Variants in WDR93 observed in about 807,000 individuals in gnomAD.
The protein encoded by WDR93 is WD repeat domain 93.
WDR93 carries 73 observed loss-of-function variants against 82.9 expected under a neutral mutation model. That is an observed-to-expected ratio of 0.88 (90% confidence interval 0.73 to 1.07). The LOEUF (loss-of-function observed/expected upper bound fraction) is 1.07. WDR93 is among the 50% of genes least tolerant of loss of function. The pLI is 0.00. For synonymous variants in WDR93, 283 were observed against 300.1 expected (o/e 0.94, Z 0.59); for missense variants, 738 against 826.0 (o/e 0.89, Z 1.31).
At chr15:89,699,883 C>T (rs1965371394) in intron 1 of WDR93, among the ~76,000 whole-genome samples, 1 of 152,112 alleles carries the variant, frequency 6.6e-6, no homozygotes, top group South Asian at 2.1e-4. Context: ...TCTGCTAATT[C>T]TAATATCTTT....
intron 7 of WDR93, among the ~76,000 whole-genome samples, chr15:89,720,171 A>G (rs553532139): frequency 3.4e-4 from 52 of 152,306 alleles, no homozygotes; most frequent in African/African-American, 1.2e-3. Flanking sequence ...TTAATGCTAT[A>G]CACTTGTATC....
intron 7 of WDR93, among the ~76,000 whole-genome samples, chr15:89,718,951 T>C (rs2141653571): frequency 6.6e-6 from 1 of 152,324 alleles, no homozygotes; most frequent in African/African-American, 2.4e-5. Context: ...TTAGTGTGTA[T>C]TTACATCTTA....
chr15:89,698,389 T>C (rs910434484), intron 1 of WDR93, among the ~76,000 whole-genome samples: 2 of 152,212 alleles, frequency 1.3e-5, no homozygotes, highest in Middle Eastern at 3.2e-3. Flanking sequence ...TTGAGTCTTA[T>C]CTATTCTGAC....
chr15:89,701,149 G>A (rs1965442692), intron 1 of WDR93, among the ~76,000 whole-genome samples: 2 of 152,026 alleles, frequency 1.3e-5, no homozygotes, highest in South Asian at 2.1e-4. Flanking sequence ...TTTTTTTAAT[G>A]TCTCAAACAT....
At chr15:89,709,643 T>G (rs1965872537) in intron 4 of WDR93, among the ~76,000 whole-genome samples, 2 of 151,924 alleles carry the variant, frequency 1.3e-5, no homozygotes, top group African/African-American at 4.8e-5. Flanking sequence ...AAGGAGACAG[T>G]GTTTCGCCAT....
At chr15:89,739,269 T>A (rs775506839) in intron 16 of WDR93, among the ~76,000 whole-genome samples, 1 of 152,196 alleles carries the variant, frequency 6.6e-6, no homozygotes, top group Non-Finnish European at 1.5e-5. Flanking sequence ...TTATGTATTA[T>A]CTATGGCTAC....
At chr15:89,730,503 T>C (rs1230562796) in intron 11 of WDR93, among the ~76,000 whole-genome samples, 1 of 152,202 alleles carries the variant, frequency 6.6e-6, no homozygotes, top group African/African-American at 2.4e-5. Context: ...GTCTAGTGCA[T>C]GCGTTTGTTG....
chr15:89,737,825 G>A (rs533737445), intron 15 of WDR93, 96 bp downstream of exon 15: 2 of 1,540,062 alleles, frequency 1.3e-6, no homozygotes, highest in South Asian at 2.4e-5. Flanking sequence ...TCCCCACTCT[G>A]TGTCCCCCTC....
At position 89,701,695 on chromosome 15, in the gene WDR93, T is replaced by A; in HGVS notation, c.-40-12T>A. 1 of 1,563,008 alleles carries A rather than the reference T, an allele frequency of 6.4e-7. No homozygotes were observed. The highest frequency in any genetic ancestry group is 8.7e-7 in the Non-Finnish European group (1 of 1,154,634). The stretch of plus-strand genomic sequence containing the variant: ...TTTCTTCCAGAATTCCTTTGTTTAC[T>A]TCTCTTATCAGCTTTTCAGTTTCAT... On this transcript the variant is annotated splice_polypyrimidine_tract_variant and intron_variant, in intron 1 of 16. Coordinates refer to ENST00000268130, the MANE Select transcript of WDR93 (RefSeq NM_020212.2).
At chr15:89,697,588 C>G (rs1370509493) in intron 1 of WDR93, among the ~76,000 whole-genome samples, 1 of 152,162 alleles carries the variant, frequency 6.6e-6, no homozygotes, top group Non-Finnish European at 1.5e-5. Flanking sequence ...TTCATGTGCA[C>G]TTAAAAATAA....
intron 9 of WDR93, among the ~76,000 whole-genome samples, chr15:89,728,661 C>T (rs1008268737): frequency 2.0e-5 from 3 of 152,224 alleles, no homozygotes; most frequent in South Asian, 4.1e-4. Context: ...ATCAGCACAA[C>T]ACTGGCTGTA....
At chr15:89,715,124 A>G (rs1966189060) in intron 6 of WDR93, 29 bp downstream of exon 6, 1 of 1,597,632 alleles carries the variant, frequency 6.3e-7, no homozygotes, top group Admixed American at 1.7e-5. Flanking sequence ...TTCAGCTGAT[A>G]TGTTTCTCCC....
intron 16 of WDR93, among the ~76,000 whole-genome samples, chr15:89,740,324 T>C (rs1051340412): frequency 4.6e-5 from 7 of 152,150 alleles, no homozygotes; most frequent in African/African-American, 1.7e-4. Flanking sequence ...AGTGGGTCGC[T>C]GGGAGGCTCT....
intron 4 of WDR93, among the ~76,000 whole-genome samples, chr15:89,707,000 C>A (rs2141612673): frequency 6.6e-6 from 1 of 152,224 alleles, no homozygotes; most frequent in Admixed American, 6.5e-5. Flanking sequence ...AATGAAAAGA[C>A]AACCCATAGA....
At chr15:89,726,233 G>C (rs987701856) in intron 8 of WDR93, among the ~76,000 whole-genome samples, 7 of 152,138 alleles carry the variant, frequency 4.6e-5, no homozygotes, top group African/African-American at 1.7e-4. Flanking sequence ...GCCTAGCCTG[G>C]GCAATAGAAC....
chr15:89,738,260 C>T, intron 16 of WDR93, 24 bp downstream of exon 16: 5 of 1,558,388 alleles, frequency 3.2e-6, no homozygotes, highest in South Asian at 1.2e-5. Context: ...TGTCTTCACC[C>T]CCTCCCACAT....
chr15:89,708,548 C>A (rs891374232), intron 4 of WDR93, among the ~76,000 whole-genome samples: 2 of 152,214 alleles, frequency 1.3e-5, no homozygotes, highest in Admixed American at 1.3e-4. Context: ...GTGGCTAGGA[C>A]AAGAGCGTCA....
At chr15:89,735,643 G>A (rs1596123256) in intron 14 of WDR93, 90 bp downstream of exon 14, 1 of 1,372,822 alleles carries the variant, frequency 7.3e-7, no homozygotes, top group East Asian at 2.3e-5. Flanking sequence ...AATGCTTATT[G>A]AAGGCCTGTT....
At chr15:89,718,136 T>C (rs1360423608) in intron 7 of WDR93, among the ~76,000 whole-genome samples, 1 of 152,084 alleles carries the variant, frequency 6.6e-6, no homozygotes, top group Non-Finnish European at 1.5e-5. Context: ...AGCTCAGGAA[T>C]TTGAGACCAG....
Sources: gnomAD v4.1 joint callset for allele counts (sites outside exome capture counted in the v4.1 genomes callset) on GRCh38, gnomAD v4.1.1 for gene constraint, MANE v1.5 for transcripts, NCBI Gene and HGNC (gene_info 2026-07-23, HGNC 2026-07-21) for gene names.